Variants in SLC2A9 observed in about 807,000 individuals in gnomAD.
SLC2A9 encodes the protein solute carrier family 2, facilitated glucose transporter member 9.
A neutral mutation model predicts 50.6 loss-of-function variants in SLC2A9; 39 were observed. The observed-to-expected ratio is 0.77, with a 90% CI of 0.60 to 1.01. The LOEUF is 1.01. Among genes scored for constraint, SLC2A9 ranks in the 50% least tolerant of loss-of-function variants. The probability of loss-of-function intolerance (pLI) is 0.00; values close to 1 mark genes in which losing one functional copy is unlikely to be tolerated. For synonymous variants in SLC2A9, 324 were observed against 276.9 expected, an observed-to-expected ratio of 1.17 and a Z score of -1.69; for missense variants, 686 against 677.6, an observed-to-expected ratio of 1.01 and a Z score of -0.14.
At chr4:9,958,380 A>T (rs1751669213) in intron 5 of SLC2A9, among the ~76,000 whole-genome samples, 1 of 152,194 alleles carries the variant, frequency 6.6e-6, no homozygotes, top group African/African-American at 2.4e-5. Context: ...TCCTCAGCAA[A>T]CTAACAAAGG....
intron 10 of SLC2A9, among the ~76,000 whole-genome samples, chr4:9,883,138 C>T (rs1735533477): frequency 6.6e-6 from 1 of 151,590 alleles, no homozygotes; most frequent in African/African-American, 2.4e-5. Context: ...TATCTACACA[C>T]ACACACACAC....
At chr4:9,845,596 A>G (rs1728857965) in intron 10 of SLC2A9, among the ~76,000 whole-genome samples, 1 of 149,308 alleles carries the variant, frequency 6.7e-6, no homozygotes, top group African/African-American at 2.5e-5. Context: ...CGACCGGCTA[A>G]TTTTTTTGTA....
intron 3 of SLC2A9, among the ~76,000 whole-genome samples, chr4:9,820,837 A>G (rs1000843886): frequency 4.6e-5 from 7 of 152,202 alleles, no homozygotes; most frequent in Admixed American, 2.0e-4. Context: ...ATTCTTTGAG[A>G]TTTAATATGT....
chr4:9,894,081 C>T (rs1413319397), intron 8 of SLC2A9, among the ~76,000 whole-genome samples: 1 of 152,170 alleles, frequency 6.6e-6, no homozygotes, highest in Non-Finnish European at 1.5e-5. Flanking sequence ...AGTCACTCAC[C>T]TTCTGGGCAT....
chr4:10,038,041 G>C (rs1044530637), intron 1 of SLC2A9, among the ~76,000 whole-genome samples: 1 of 152,202 alleles, frequency 6.6e-6, no homozygotes, highest in Non-Finnish European at 1.5e-5. Flanking sequence ...CTGGCAGGAA[G>C]AGAGTTGGCC....
intron 5 of SLC2A9, among the ~76,000 whole-genome samples, chr4:9,946,953 T>C (rs935698852): frequency 6.6e-6 from 1 of 152,166 alleles, no homozygotes; most frequent in South Asian, 2.1e-4. Flanking sequence ...ATTGAATGGA[T>C]TGACTGACAC....
chr4:9,778,806 C>CTT (rs201631344), downstream of SLC2A9, among the ~76,000 whole-genome samples: 1 of 151,610 alleles, frequency 6.6e-6, no homozygotes, highest in African/African-American at 2.4e-5. Context: ...ATCACAGTTT[C>CTT]TTTTTTTTTC....
intron 6 of SLC2A9, among the ~76,000 whole-genome samples, chr4:9,933,782 C>T (rs1005332223): frequency 5.3e-5 from 8 of 152,186 alleles, no homozygotes; most frequent in African/African-American, 1.7e-4. Context: ...CTTCTGGAGG[C>T]TCTAGGGAGA....
intron 3 of SLC2A9, among the ~76,000 whole-genome samples, chr4:9,988,047 C>A (rs1757046339): frequency 6.6e-6 from 1 of 152,266 alleles, no homozygotes; most frequent in African/African-American, 2.4e-5. Context: ...CCGGCTAATA[C>A]TTGAACAAGA....
chr4:9,842,909 A>C (rs1258196607), intron 10 of SLC2A9, among the ~76,000 whole-genome samples: 2 of 152,160 alleles, frequency 1.3e-5, no homozygotes, highest in Non-Finnish European at 2.9e-5. Context: ...TGCAGGGAAG[A>C]GTGCAGGGAG....
At chr4:9,968,267 A>G (rs1287162442) in intron 5 of SLC2A9, among the ~76,000 whole-genome samples, 4 of 152,178 alleles carry the variant, frequency 2.6e-5, no homozygotes, top group South Asian at 2.1e-4. Flanking sequence ...TCAGAGTCCT[A>G]TCTCAGAAGT....
chr4:9,940,037 C>A (rs1202832639), intron 6 of SLC2A9, among the ~76,000 whole-genome samples: 1 of 152,198 alleles, frequency 6.6e-6, no homozygotes, highest in Non-Finnish European at 1.5e-5. Flanking sequence ...AACTTTAAAA[C>A]CTTCTTCACT....
intron 5 of SLC2A9, among the ~76,000 whole-genome samples, chr4:9,959,722 C>G (rs561690864): frequency 1.3e-5 from 2 of 152,122 alleles, no homozygotes; most frequent in African/African-American, 4.8e-5. Context: ...AATATGAATA[C>G]TTTTCCTTTG....
At chr4:9,962,179 AC>A in intron 5 of SLC2A9, among the ~76,000 whole-genome samples, 1 of 152,336 alleles carries the variant, frequency 6.6e-6, no homozygotes, top group East Asian at 1.9e-4. Context: ...AAGACCTAGA[AC>A]CAGAAATACC....
upstream of SLC2A9, among the ~76,000 whole-genome samples, chr4:10,022,768 G>A (rs1197042832): frequency 6.6e-6 from 1 of 152,210 alleles, no homozygotes; most frequent in Admixed American, 6.5e-5. Flanking sequence ...CCTGGAATGT[G>A]AAACGCACGT....
chr4:9,862,431 G>A (rs1731802292), intron 10 of SLC2A9, among the ~76,000 whole-genome samples: 1 of 152,018 alleles, frequency 6.6e-6, no homozygotes. Flanking sequence ...CATTCCCTGG[G>A]TGTCTCCCAT....
In SLC2A9 at chr4:9,920,477, C is replaced by T. The variant is rs752166741; in HGVS notation, c.910G>A (p.Val304Met). The change falls in exon 7 of 12, where the codon GTG becomes ATG. Residue 304 changes from valine (V) to methionine (M), a missense_variant. By Grantham distance (21) the Val-to-Met change is conservative. Transcript: ENST00000264784. The part of the protein sequence containing the change: ...RVQRSIRLVS[V>M]LELLRAPYVR... ...TAGGGAGCTCTCAGCAGCTCCAGCA[C>T]GGACACCAGGCGGATGCTCCTCTGC... 2.4e-5 allele frequency: 38 copies of T among 1,614,066 alleles called. No individual in the cohort carries two copies. Among genetic ancestry groups the T allele is most frequent in the African/African-American group, 1.5e-4 (11 of 74,952 alleles).
At chr4:9,794,210 G>A (rs1453287122), downstream of SLC2A9, among the ~76,000 whole-genome samples, 1 of 150,962 alleles carries the variant, frequency 6.6e-6, no homozygotes, top group East Asian at 1.9e-4. Flanking sequence ...GTGCAATGGT[G>A]CGATCTTGGC....
chr4:10,033,016 C>G (rs924400619), intron 1 of SLC2A9, among the ~76,000 whole-genome samples: 2 of 152,156 alleles, frequency 1.3e-5, no homozygotes, highest in African/African-American at 4.8e-5. Flanking sequence ...TTCACTAAAC[C>G]TTAGTCCTCC....
Sources: allele counts gnomAD v4.1 joint callset (sites outside exome capture counted in the v4.1 genomes callset), GRCh38; gene constraint gnomAD v4.1.1; transcripts MANE v1.5; gene names NCBI Gene and HGNC (gene_info 2026-07-23, HGNC 2026-07-21).